The following IL34 variants were observed in gnomAD, a reference collection of about 807,000 sequenced individuals.
IL34 encodes the protein interleukin-34.
A neutral mutation model predicts 25.3 loss-of-function variants in IL34; 17 were observed. The ratio of observed to expected loss-of-function variants is 0.67; its 90% confidence interval spans 0.46 to 1.01. The LOEUF (loss-of-function observed/expected upper bound fraction) is 1.01, where lower values mean the gene tolerates loss of function less well. IL34 is among the 50% of genes least tolerant of loss of function. The pLI, the probability that IL34 is intolerant of heterozygous loss-of-function variation, is 0.00. For missense variants in IL34, 368 were observed against 312.9 expected (o/e 1.18, Z -1.33); for synonymous variants, 174 against 140.9 (o/e 1.23, Z -1.66).
upstream of IL34, among the ~76,000 whole-genome samples, chr16:70,643,538 T>C (rs1033809190): frequency 6.6e-6 from 1 of 152,142 alleles, no homozygotes; most frequent in South Asian, 2.1e-4. Context: ...ACCCACCTAA[T>C]TAAAAAAATT....
In IL34 at chr16:70,659,749, C is replaced by G; in HGVS notation, c.534C>G (p.Ser178=). ...GGGTCATGGAGCTGCTGTACTGCTC[C>G]TGCTGTAAGGAGCTCTCAGGGGATG... The part of the protein sequence containing the change: ...CFRVMELLYC[S]CCKQSSVLNW... The change falls in exon 5 of 6, where the codon TCC becomes TCG. Residue 178 remains serine, a synonymous_variant. Coordinates refer to ENST00000288098, the MANE Select transcript of IL34 (RefSeq NM_001393494.1). The G allele has an allele frequency of 6.2e-7, 1 of 1,600,422 alleles. No individual in the cohort carries two copies. Among genetic ancestry groups the G allele is most frequent in the South Asian group, 1.1e-5 (1 of 90,386 alleles).
intron 5 of IL34, 27 bp from the exon 6 acceptor site, chr16:70,659,969 CT>C (rs3214847): frequency 0.045 from 52,350 of 1,169,960 alleles, 3 homozygotes; most frequent in Non-Finnish European, 0.049. Flanking sequence ...CTGCTGCAGT[CT>C]TTTTTTTTTT....
chr16:70,603,092 C>T (rs1006985), intron 1 of IL34, among the ~76,000 whole-genome samples: 69,036 of 151,526 alleles, frequency 0.46, 16,124 homozygotes, highest in South Asian at 0.62. Context: ...AGCTGGGCCC[C>T]GTGACTGACA....
At chr16:70,623,853 A>G (rs1357077864) in intron 1 of IL34, among the ~76,000 whole-genome samples, 1 of 151,030 alleles carries the variant, frequency 6.6e-6, no homozygotes, top group Non-Finnish European at 1.5e-5. Flanking sequence ...GGGAGTTCTA[A>G]GAGGTTTAGA....
chr16:70,584,499 GAA>G, intron 1 of IL34, among the ~76,000 whole-genome samples: 1 of 152,194 alleles, frequency 6.6e-6, no homozygotes, highest in African/African-American at 2.4e-5. Context: ...CAGCCACTGG[GAA>G]AAGTCAGCGC....
intron 1 of IL34, among the ~76,000 whole-genome samples, chr16:70,582,725 C>G (rs1040587814): frequency 6.6e-6 from 1 of 152,238 alleles, no homozygotes; most frequent in South Asian, 2.1e-4. Flanking sequence ...ACAACAAACA[C>G]TGATTGGGTT....
At chr16:70,658,713 T>G (rs563788283) in intron 4 of IL34, among the ~76,000 whole-genome samples, 1 of 152,072 alleles carries the variant, frequency 6.6e-6, no homozygotes, top group Non-Finnish European at 1.5e-5. Flanking sequence ...TCAAGTGATA[T>G]GCCTCCCTCA....
intron 1 of IL34, among the ~76,000 whole-genome samples, chr16:70,596,551 C>A (rs923271722): frequency 6.6e-6 from 1 of 152,256 alleles, no homozygotes; most frequent in East Asian, 1.9e-4. Context: ...TGGCGTTGGG[C>A]ACACTGGCAT....
chr16:70,590,484 C>T (rs1025941334), intron 1 of IL34, among the ~76,000 whole-genome samples: 1 of 152,144 alleles, frequency 6.6e-6, no homozygotes, highest in Admixed American at 6.5e-5. Context: ...GGACCCAGTC[C>T]AGACAAAAAT....
chr16:70,602,725 A>G (rs188296968), intron 1 of IL34, among the ~76,000 whole-genome samples: 1 of 152,086 alleles, frequency 6.6e-6, no homozygotes, highest in Non-Finnish European at 1.5e-5. Context: ...TAATTTTTAG[A>G]GATGAGATTT....
At chr16:70,639,169 G>A (rs1042151222) in intron 1 of IL34, among the ~76,000 whole-genome samples, 1 of 152,238 alleles carries the variant, frequency 6.6e-6, no homozygotes, top group African/African-American at 2.4e-5. Flanking sequence ...ATTGATCACA[G>A]ATAGGTGGCA....
chr16:70,589,622 A>ATT (rs34813482), intron 1 of IL34, among the ~76,000 whole-genome samples: 12 of 136,742 alleles, frequency 8.8e-5, no homozygotes, highest in African/African-American at 1.9e-4. Context: ...TTTTACCATG[A>ATT]TTTTTTTTTT....
At chr16:70,590,312 C>T (rs2050737834) in intron 1 of IL34, among the ~76,000 whole-genome samples, 1 of 152,126 alleles carries the variant, frequency 6.6e-6, no homozygotes, top group African/African-American at 2.4e-5. Context: ...GAGATTTGGG[C>T]TCACGCTAGA....
At position 70,580,768 on chromosome 16, in the gene IL34, G is replaced by A. The variant is rs1231538058; in HGVS notation, c.-401+719G>A. Among the ~76,000 whole-genome samples the A allele has an allele frequency of 2.7e-5, 4 of 147,072 alleles. No homozygotes were observed. The East Asian group carries it at 7.9e-4, about 29-fold the overall frequency. On this transcript the variant is annotated intron_variant, in intron 1 of 6. Coordinates refer to the IL34 transcript ENST00000429149. ...TGCACTCCAGCCTGGGTAACAGAGT[G>A]AGACTATGTCTCAAAAAAAAAAAAA...
At chr16:70,622,106 T>G (rs542540518) in intron 1 of IL34, among the ~76,000 whole-genome samples, 2 of 152,118 alleles carry the variant, frequency 1.3e-5, no homozygotes, top group East Asian at 3.9e-4. Flanking sequence ...CTTGGCTGAT[T>G]TGACTAATAA....
chr16:70,587,846 C>G (rs1402651336), intron 1 of IL34, among the ~76,000 whole-genome samples: 1 of 151,954 alleles, frequency 6.6e-6, no homozygotes, highest in Non-Finnish European at 1.5e-5. Context: ...TGAGACCAGC[C>G]TGGCAAACAG....
chr16:70,658,600 G>A (rs1597783753), intron 4 of IL34, among the ~76,000 whole-genome samples: 1 of 151,946 alleles, frequency 6.6e-6, no homozygotes, highest in African/African-American at 2.4e-5. Context: ...TCCTGCCTCA[G>A]CCTCCCAAGT....
At chr16:70,633,136 T>C (rs929411292) in intron 1 of IL34, among the ~76,000 whole-genome samples, 6 of 141,448 alleles carry the variant, frequency 4.2e-5, no homozygotes, top group Non-Finnish European at 3.1e-5. Flanking sequence ...GGCTAATTTT[T>C]GTATTTTTAG....
At chr16:70,588,929 G>T (rs779843447) in intron 1 of IL34, among the ~76,000 whole-genome samples, 1 of 152,166 alleles carries the variant, frequency 6.6e-6, no homozygotes, top group Admixed American at 6.6e-5. Flanking sequence ...TGGATATAAA[G>T]TTTTGGTTTT....
Sources: gnomAD v4.1 joint callset for allele counts (sites outside exome capture counted in the v4.1 genomes callset) on GRCh38, gnomAD v4.1.1 for gene constraint, MANE v1.5 for transcripts, NCBI Gene and HGNC (gene_info 2026-07-23, HGNC 2026-07-21) for gene names.